KIAA1217: variants seen among roughly 807,000 people sequenced by gnomAD.
The protein encoded by KIAA1217 is KIAA1217.
Under a neutral mutation model 163.9 loss-of-function variants are expected in KIAA1217, and 88 were observed. The ratio of observed to expected loss-of-function variants is 0.54; its 90% CI spans 0.45 to 0.64. The LOEUF (loss-of-function observed/expected upper bound fraction) is 0.64. Ranked by LOEUF, KIAA1217 falls within the 30% of genes least tolerant of loss-of-function variation. KIAA1217 has a pLI of 0.00. For synonymous variants in KIAA1217, 903 were observed against 923.1 expected (o/e 0.98, Z 0.39); for missense variants, 2,372 against 2,475.0 (o/e 0.96, Z 0.88).
At position 24,323,788 on chromosome 10, in the gene KIAA1217, CGTGTGTGTGTGTGTGTGTGTGTGT is replaced by C. The variant is rs60528535; in HGVS notation, c.355-57060_355-57037del. Among the ~76,000 whole-genome samples, 4 of 144,302 alleles carry C rather than the reference CGTGTGTGTGTGTGTGTGTGTGTGT, an allele frequency of 2.8e-5. No homozygotes were observed. The South Asian group carries it at 9.1e-4, about 33-fold the overall frequency. 94.7% of individuals were successfully genotyped at this position (144,302 alleles called of 152,430 possible). Reference sequence around the variant, plus strand: ...GAAGACAATGCCCATGTTTTCTCTTCGTGTGTGTGTGTGTGTGTGTGTGTGTGTGTGTGTGTGTGTGTGTTTGAC... The same window carrying C: ...GAAGACAATGCCCATGTTTTCTCTTCGTGTGTGTGTGTGTGTGTGTTTGAC... On this transcript the variant is annotated intron_variant, in intron 2 of 20. Coordinates refer to ENST00000376454, the MANE Select transcript of KIAA1217 (RefSeq NM_019590.5).
At chr10:23,710,278 A>G (rs1282851537) in intron 1 of KIAA1217, among the ~76,000 whole-genome samples, 1 of 152,174 alleles carries the variant, frequency 6.6e-6, no homozygotes. Flanking sequence ...TTTTCCATTA[A>G]TCCTTTGGTG....
intron 2 of KIAA1217, among the ~76,000 whole-genome samples, chr10:24,354,190 A>C (rs1236234623): frequency 2.0e-5 from 3 of 152,214 alleles, no homozygotes; most frequent in Non-Finnish European, 4.4e-5. Context: ...GCATTCTCTT[A>C]TTTGATTGCT....
Position 23,790,490 on chromosome 10 carries a change from T to TATGTATATATACATATATAC in KIAA1217, c.-321+95258_-321+95259insGTATATATACATATATACAT, listed in dbSNP as rs1564423830. 5.4e-4 allele frequency among the ~76,000 whole-genome samples: 59 copies of TATGTATATATACATATATAC among 108,660 alleles called. 4 individuals carry two copies. The highest frequency in any genetic ancestry group is 2.6e-3 in the African/African-American group (56 of 21,464). 71.3% of individuals were successfully genotyped at this position (108,660 alleles called of 152,430 possible). Reference sequence around the variant, plus strand: ...ACATATATACATGTGCATATATACATATATACATGTGCATATATACATATG... The same window carrying TATGTATATATACATATATAC: ...ACATATATACATGTGCATATATACATATGTATATATACATATATACATATACATGTGCATATATACATATG... On this transcript the variant is annotated intron_variant, in intron 1 of 18. Transcript: ENST00000376462.
intron 1 of KIAA1217, among the ~76,000 whole-genome samples, chr10:23,856,670 G>A (rs898417863): frequency 6.6e-6 from 1 of 152,240 alleles, no homozygotes; most frequent in Non-Finnish European, 1.5e-5. Flanking sequence ...CACCCAGTTC[G>A]AGCTTCCCCA....
chr10:24,397,685 A>G (rs1297165101), intron 3 of KIAA1217, among the ~76,000 whole-genome samples: 1 of 152,208 alleles, frequency 6.6e-6, no homozygotes, highest in Admixed American at 6.5e-5. Context: ...AAGGTCTCTT[A>G]TGAGAGCAGT....
At chr10:23,804,422 C>T (rs556372162) in intron 1 of KIAA1217, among the ~76,000 whole-genome samples, 54 of 152,252 alleles carry the variant, frequency 3.5e-4, no homozygotes, top group African/African-American at 1.1e-3. Flanking sequence ...TGTATGAGTA[C>T]GGTCTAGGAG....
intron 1 of KIAA1217, among the ~76,000 whole-genome samples, chr10:23,929,838 G>C (rs976210617): frequency 6.6e-6 from 1 of 152,126 alleles, no homozygotes; most frequent in Non-Finnish European, 1.5e-5. Context: ...GGGTTGCTGG[G>C]TCAGATGGTA....
At chr10:24,473,073 T>A (rs1228857998) in intron 5 of KIAA1217, among the ~76,000 whole-genome samples, 155 bp from the exon 6 acceptor site, 4 of 152,348 alleles carry the variant, frequency 2.6e-5, no homozygotes, top group African/African-American at 9.6e-5. Context: ...TCACCCCATC[T>A]GCAAAGTCTC....
intron 17 of KIAA1217, 109 bp from the exon 18 acceptor site, chr10:24,542,584 C>A: frequency 6.5e-7 from 1 of 1,547,190 alleles, no homozygotes; most frequent in African/African-American, 1.4e-5. Context: ...AAGAAATATG[C>A]GTGGCCCGCA....
chr10:23,732,300 A>G (rs1196158064), intron 1 of KIAA1217, among the ~76,000 whole-genome samples: 5 of 152,114 alleles, frequency 3.3e-5, no homozygotes, highest in African/African-American at 4.8e-5. Context: ...CTTCATATCT[A>G]CAGGTTTCAC....
At chr10:24,497,313 T>A (rs770573170) in intron 8 of KIAA1217, among the ~76,000 whole-genome samples, 1 of 152,204 alleles carries the variant, frequency 6.6e-6, no homozygotes, top group East Asian at 1.9e-4. Flanking sequence ...AAGGTTTTTA[T>A]ACTGAGCATT....
chr10:24,352,932 G>T (rs2048637132), intron 2 of KIAA1217, among the ~76,000 whole-genome samples: 1 of 152,046 alleles, frequency 6.6e-6, no homozygotes, highest in East Asian at 1.9e-4. Context: ...GGGTGGGGGT[G>T]GTGTCAGGTC....
chr10:23,936,276 G>A (rs533937306), intron 1 of KIAA1217, among the ~76,000 whole-genome samples: 1 of 152,268 alleles, frequency 6.6e-6, no homozygotes, highest in East Asian at 1.9e-4. Context: ...TCCAGGGACT[G>A]AGAGAATGGT....
intron 1 of KIAA1217, among the ~76,000 whole-genome samples, chr10:23,955,494 G>T (rs1011280165): frequency 6.6e-6 from 1 of 152,056 alleles, no homozygotes; most frequent in African/African-American, 2.4e-5. Context: ...CCCTTATATT[G>T]TCTTGGATTC....
chr10:24,536,669 G>C, intron 16 of KIAA1217, 105 bp from the exon 17 acceptor site: 1 of 1,223,734 alleles, frequency 8.2e-7, no homozygotes. Flanking sequence ...CCTGCGTGCA[G>C]GACCCGGGTT....
At chr10:24,140,809 T>C (rs2064034538) in intron 2 of KIAA1217, among the ~76,000 whole-genome samples, 1 of 152,196 alleles carries the variant, frequency 6.6e-6, no homozygotes, top group South Asian at 2.1e-4. Flanking sequence ...GAACGTTACC[T>C]CTTATTAGAA....
At chr10:24,293,811 G>A (rs1202849030) in intron 2 of KIAA1217, among the ~76,000 whole-genome samples, 1 of 152,214 alleles carries the variant, frequency 6.6e-6, no homozygotes, top group African/African-American at 2.4e-5. Flanking sequence ...TATTAATGAA[G>A]CTCACAGATA....
At chr10:23,899,653 T>C (rs572929644) in intron 1 of KIAA1217, among the ~76,000 whole-genome samples, 2 of 152,204 alleles carry the variant, frequency 1.3e-5, no homozygotes, top group South Asian at 4.1e-4. Context: ...ACAACTTATC[T>C]CCTGATGCTG....
At chr10:24,155,730 G>A (rs949441739) in intron 2 of KIAA1217, among the ~76,000 whole-genome samples, 4 of 152,012 alleles carry the variant, frequency 2.6e-5, no homozygotes, top group Non-Finnish European at 1.5e-5. Context: ...GCTAAGGCAG[G>A]GAGAATTGCT....
Sources: allele counts gnomAD v4.1 joint callset (sites outside exome capture counted in the v4.1 genomes callset), GRCh38; gene constraint gnomAD v4.1.1; transcripts MANE v1.5; gene names NCBI Gene and HGNC (gene_info 2026-07-23, HGNC 2026-07-21).